ROBO2: variants seen among roughly 807,000 people sequenced by gnomAD.
ROBO2 encodes roundabout homolog 2.
Under a neutral mutation model 160.8 loss-of-function variants are expected in ROBO2, and 53 were observed. That is an observed-to-expected ratio of 0.33 (90% CI 0.26 to 0.41). The LOEUF (loss-of-function observed/expected upper bound fraction) is 0.41. Among genes scored for constraint, ROBO2 ranks in the 10% least tolerant of loss-of-function variants. The pLI is 1.00. For missense variants in ROBO2, 1,577 were observed against 1,722.4 expected (o/e 0.92, Z 1.49); for synonymous variants, 664 against 611.7 (o/e 1.09, Z -1.26).
At chr3:76,068,176 G>A (rs1251340210) in intron 2 of ROBO2, among the ~76,000 whole-genome samples, 1 of 152,162 alleles carries the variant, frequency 6.6e-6, no homozygotes, top group African/African-American at 2.4e-5. Flanking sequence ...TACAGACTTT[G>A]CAGGTAGAGA....
chr3:76,474,163 C>T (rs9844908), intron 2 of ROBO2, among the ~76,000 whole-genome samples: 93,165 of 151,870 alleles, frequency 0.61, 28,806 homozygotes, highest in African/African-American at 0.69. Flanking sequence ...TGTATGTTAT[C>T]TTAATAGGGT....
chr3:75,924,757 C>T (rs1181825247), intron 1 of ROBO2, among the ~76,000 whole-genome samples: 1 of 123,192 alleles, frequency 8.1e-6, no homozygotes, highest in Non-Finnish European at 1.6e-5. Context: ...GGCACGATCT[C>T]GGCTCACTGC....
chr3:75,925,261 C>T (rs1947243694), intron 1 of ROBO2, among the ~76,000 whole-genome samples: 1 of 151,778 alleles, frequency 6.6e-6, no homozygotes, highest in Non-Finnish European at 1.5e-5. Flanking sequence ...GACGTGGTGG[C>T]TGGCGCCTGT....
At chr3:76,335,582 CT>C (rs796159413) in intron 2 of ROBO2, among the ~76,000 whole-genome samples, 129 of 141,298 alleles carry the variant, frequency 9.1e-4, no homozygotes, top group Admixed American at 1.7e-3. Context: ...AAAGCCATAA[CT>C]TTTTTTTTTT....
chr3:77,442,242 G>A (rs12054448), intron 2 of ROBO2, among the ~76,000 whole-genome samples: 2,697 of 152,050 alleles, frequency 0.018, 183 homozygotes, highest in Admixed American at 0.13. Context: ...AACCCGGGAG[G>A]CAGAGTTTGC....
intron 2 of ROBO2, among the ~76,000 whole-genome samples, chr3:76,897,575 GA>G (rs896426253): frequency 6.6e-6 from 1 of 152,068 alleles, no homozygotes; most frequent in South Asian, 2.1e-4. Context: ...AAGTACTAGG[GA>G]AAAAAAGTAC....
rs1325366883 is a variant in ROBO2, at chr3:77,485,479, C to G, written c.667+4260C>G. Among the ~76,000 whole-genome samples the G allele has an allele frequency of 2.0e-5, 3 of 151,990 alleles. No homozygotes were observed. In the East Asian group the frequency reaches 5.8e-4, roughly 29 times the overall value. The stretch of plus-strand genomic sequence containing the variant: ...CCAAATGTTTGGTGGTCTCTTTACC[C>G]CAGTTTTCTGAAATGGTTCAATACA... On this transcript the variant is annotated intron_variant, in intron 4 of 25. Coordinates refer to ENST00000461745, the Ensembl canonical transcript of ROBO2.
intron 2 of ROBO2, among the ~76,000 whole-genome samples, chr3:76,114,482 C>G (rs1425580363): frequency 6.6e-6 from 1 of 151,846 alleles, no homozygotes; most frequent in Non-Finnish European, 1.5e-5. Context: ...TTAATGGCTG[C>G]CTAGAATGTC....
chr3:76,402,428 T>G (rs116089560), intron 2 of ROBO2, among the ~76,000 whole-genome samples: 2,082 of 151,652 alleles, frequency 0.014, 29 homozygotes, highest in Middle Eastern at 0.071. Context: ...ATATGCTTAT[T>G]AGGTCAGTGT....
At chr3:76,949,593 C>T (rs2078837310) in intron 2 of ROBO2, among the ~76,000 whole-genome samples, 1 of 152,208 alleles carries the variant, frequency 6.6e-6, no homozygotes. Flanking sequence ...CCGGCTTCTC[C>T]CCTATTTCCC....
intron 23 of ROBO2, among the ~76,000 whole-genome samples, chr3:77,625,449 C>A (rs2153708572): frequency 6.6e-6 from 1 of 152,006 alleles, no homozygotes; most frequent in Non-Finnish European, 1.5e-5. Context: ...ACGATCTCGG[C>A]TCACTGCAAC....
intron 2 of ROBO2, among the ~76,000 whole-genome samples, chr3:76,961,974 A>C (rs185375528): frequency 6.6e-6 from 1 of 152,292 alleles, no homozygotes; most frequent in East Asian, 1.9e-4. Context: ...CAAGGCAAGC[A>C]GACCACTTGA....
At chr3:76,888,964 C>T (rs1287981430) in intron 2 of ROBO2, among the ~76,000 whole-genome samples, 3 of 152,176 alleles carry the variant, frequency 2.0e-5, no homozygotes, top group Non-Finnish European at 4.4e-5. Context: ...CTCTCAAAAG[C>T]TGACAGATTG....
chr3:77,571,377 G>A (rs2093633378), intron 13 of ROBO2, among the ~76,000 whole-genome samples: 1 of 152,044 alleles, frequency 6.6e-6, no homozygotes, highest in African/African-American at 2.4e-5. Context: ...TTCTTTTTTA[G>A]CCTGTTGCTT....
At chr3:76,440,974 CATGCTGAAAAT>C (rs1422882318) in intron 2 of ROBO2, among the ~76,000 whole-genome samples, 1 of 152,104 alleles carries the variant, frequency 6.6e-6, no homozygotes, top group African/African-American at 2.4e-5. Context: ...CAGCTGAAAA[CATGCTGAAAAT>C]ATGAATATTA....
rs541638477 is a variant in ROBO2, at chr3:76,539,697, G to A, written c.110-558317G>A. ...AGTAGGTCAGACAGAAAGAGGATTT[G>A]CCTATTCCCATTCTTCTTTATTGAG... On this transcript the variant is annotated intron_variant, in intron 2 of 26. Coordinates refer to the ROBO2 transcript ENST00000487694. Among the ~76,000 whole-genome samples, 38 of 152,238 alleles carry A rather than the reference G, an allele frequency of 2.5e-4. 1 individual carries two copies. The South Asian group carries it at 7.5e-3, about 30-fold the overall frequency.
At chr3:77,206,660 T>A (rs1349498175) in intron 2 of ROBO2, among the ~76,000 whole-genome samples, 1 of 152,130 alleles carries the variant, frequency 6.6e-6, no homozygotes, top group Non-Finnish European at 1.5e-5. Context: ...TATATATTTT[T>A]AAAATTTTTA....
chr3:76,210,523 A>G (rs1235987509), intron 2 of ROBO2, among the ~76,000 whole-genome samples: 1 of 152,064 alleles, frequency 6.6e-6, no homozygotes, highest in Non-Finnish European at 1.5e-5. Flanking sequence ...GTGTAAAAAA[A>G]TTTGTTCTCA....
At chr3:77,636,921 A>G (rs2095273395) in intron 24 of ROBO2, among the ~76,000 whole-genome samples, 1 of 152,202 alleles carries the variant, frequency 6.6e-6, no homozygotes, top group Admixed American at 6.5e-5. Flanking sequence ...ATGTATCCTG[A>G]AGTTATATTC....
Sources: allele counts gnomAD v4.1 joint callset (sites outside exome capture counted in the v4.1 genomes callset), GRCh38; gene constraint gnomAD v4.1.1; transcripts MANE v1.5; gene names NCBI Gene and HGNC (gene_info 2026-07-23, HGNC 2026-07-21).